The following SH3RF2 variants were observed in gnomAD, a reference collection of about 807,000 sequenced individuals.
SH3RF2 encodes E3 ubiquitin-protein ligase SH3RF2.
A neutral mutation model predicts 59.0 loss-of-function variants in SH3RF2; 43 were observed. The ratio of observed to expected loss-of-function variants is 0.73; its 90% confidence interval spans 0.57 to 0.94. SH3RF2 has a LOEUF of 0.94. SH3RF2 is among the 40% of genes least tolerant of loss of function. The pLI is 0.00. For synonymous variants in SH3RF2, 391 were observed against 391.5 expected (o/e 1.00, Z 0.01); for missense variants, 930 against 940.1 (o/e 0.99, Z 0.14).
downstream of SH3RF2, among the ~76,000 whole-genome samples, chr5:146,065,597 T>G (rs2962527): frequency 6.6e-6 from 1 of 152,206 alleles, no homozygotes; most frequent in Non-Finnish European, 1.5e-5. Context: ...TATTATCTCT[T>G]TGGGATAACC....
chr5:146,035,105 CAAA>C (rs34472730), intron 5 of SH3RF2, among the ~76,000 whole-genome samples: 2 of 135,300 alleles, frequency 1.5e-5, no homozygotes, highest in Admixed American at 7.3e-5. Context: ...GACTCTGTTT[CAAA>C]AAAAAAAAAA....
intron 9 of SH3RF2, among the ~76,000 whole-genome samples, chr5:146,070,977 C>T (rs1763221786): frequency 1.3e-5 from 2 of 152,164 alleles, no homozygotes; most frequent in East Asian, 1.9e-4. Flanking sequence ...GCATGACCGA[C>T]CGACTTAATG....
intron 5 of SH3RF2, among the ~76,000 whole-genome samples, chr5:146,044,624 A>G (rs1238815756): frequency 6.6e-6 from 1 of 151,962 alleles, no homozygotes; most frequent in African/African-American, 2.4e-5. Flanking sequence ...AGTTTCTCCA[A>G]ACTGTTTTTA....
At chr5:146,069,031 A>G (rs1428538654) in intron 9 of SH3RF2, among the ~76,000 whole-genome samples, 1 of 152,010 alleles carries the variant, frequency 6.6e-6, no homozygotes, top group Non-Finnish European at 1.5e-5. Flanking sequence ...TGCATCCCAC[A>G]CTTATCCTTC....
At chr5:146,025,865 A>G (rs768285461) in intron 5 of SH3RF2, among the ~76,000 whole-genome samples, 1 of 152,342 alleles carries the variant, frequency 6.6e-6, no homozygotes, top group Non-Finnish European at 1.5e-5. Context: ...TCTAACCCCA[A>G]TAAGCCTCAG....
intron 2 of SH3RF2, among the ~76,000 whole-genome samples, chr5:145,982,292 G>A (rs960205874): frequency 6.6e-6 from 1 of 152,206 alleles, no homozygotes; most frequent in African/African-American, 2.4e-5. Context: ...TCATCAAGAT[G>A]CAGGTGCTCC....
chr5:146,047,739 G>T, intron 5 of SH3RF2, 33 bp from the exon 6 acceptor site: 2 of 1,605,652 alleles, frequency 1.2e-6, no homozygotes, highest in Non-Finnish European at 1.7e-6. Flanking sequence ...GGCATTCATT[G>T]GTTCTGCTTG....
chr5:145,997,477 A>C (rs1139847), intron 2 of SH3RF2: 2 of 1,562,730 alleles, frequency 1.3e-6, no homozygotes, highest in Non-Finnish European at 8.8e-7. Flanking sequence ...GGGATAATGG[A>C]TACAGTACAA....
At chr5:145,951,719 C>G (rs527902802) in intron 2 of SH3RF2, among the ~76,000 whole-genome samples, 1 of 152,328 alleles carries the variant, frequency 6.6e-6, no homozygotes, top group South Asian at 2.1e-4. Context: ...CATCTGCCCA[C>G]TCTTCCATGG....
At chr5:145,943,188 A>G (rs1226104469) in intron 2 of SH3RF2, among the ~76,000 whole-genome samples, 1 of 151,932 alleles carries the variant, frequency 6.6e-6, no homozygotes, top group Admixed American at 6.6e-5. Flanking sequence ...AGCTGGCACT[A>G]GAGTTCTTTG....
chr5:146,014,065 G>T lies in SH3RF2; in HGVS notation c.1059+4G>T. On this transcript the variant is annotated splice_donor_region_variant and intron_variant, in intron 5 of 9. Coordinates refer to ENST00000359120, the MANE Select transcript of SH3RF2 (RefSeq NM_152550.4). Reference sequence around the variant, plus strand: ...TCCTTCCAGCTGTGTGGGACAGGTAGGGAAGAAACGCCTGGGATGAGGGCA... The same window carrying T: ...TCCTTCCAGCTGTGTGGGACAGGTATGGAAGAAACGCCTGGGATGAGGGCA... 6.2e-7 allele frequency: 1 copy of T among 1,611,936 alleles called. No homozygotes were observed. Among genetic ancestry groups the T allele is most frequent in the Non-Finnish European group, 8.5e-7 (1 of 1,179,534 alleles).
intron 2 of SH3RF2, among the ~76,000 whole-genome samples, chr5:145,998,388 C>G (rs1441608441): frequency 6.6e-6 from 1 of 151,750 alleles, no homozygotes; most frequent in Non-Finnish European, 1.5e-5. Flanking sequence ...TATATTTCTG[C>G]TCTAGCTTTC....
intron 5 of SH3RF2, among the ~76,000 whole-genome samples, chr5:146,045,524 C>G (rs1006761038): frequency 1.7e-4 from 26 of 152,194 alleles, no homozygotes; most frequent in Non-Finnish European, 1.5e-5. Flanking sequence ...CATCTATTTT[C>G]TATCTCTGTA....
chr5:145,967,292 AT>A (rs990300824), intron 2 of SH3RF2, among the ~76,000 whole-genome samples: 5 of 152,142 alleles, frequency 3.3e-5, no homozygotes, highest in Non-Finnish European at 7.3e-5. Flanking sequence ...TAATTGGCCC[AT>A]TTATGAATCC....
intron 2 of SH3RF2, among the ~76,000 whole-genome samples, chr5:145,940,876 A>G (rs1282008524): frequency 6.6e-6 from 1 of 152,200 alleles, no homozygotes; most frequent in Admixed American, 6.5e-5. Context: ...AGACATTTGG[A>G]AGATCATTAT....
intron 5 of SH3RF2, among the ~76,000 whole-genome samples, chr5:146,043,523 G>A (rs1271257053): frequency 6.6e-6 from 1 of 152,140 alleles, no homozygotes; most frequent in East Asian, 1.9e-4. Flanking sequence ...TGAGTATACA[G>A]TTCAAAAACT....
At chr5:146,044,348 A>C (rs1444091445) in intron 5 of SH3RF2, among the ~76,000 whole-genome samples, 2 of 151,978 alleles carry the variant, frequency 1.3e-5, no homozygotes, top group East Asian at 3.9e-4. Context: ...ACAGGGTTTC[A>C]CCATGTTGGT....
At chr5:146,049,336 C>T (rs1406166566) in intron 7 of SH3RF2, 91 bp downstream of exon 7, 15 of 1,434,410 alleles carry the variant, frequency 1.0e-5, no homozygotes, top group Non-Finnish European at 1.3e-5. Context: ...ACCCAGTGCT[C>T]TTTCAGAAAA....
At chr5:145,966,343 A>G (rs1049959015) in intron 2 of SH3RF2, among the ~76,000 whole-genome samples, 3 of 152,216 alleles carry the variant, frequency 2.0e-5, no homozygotes, top group South Asian at 2.1e-4. Context: ...TGGAGACTCA[A>G]TTTCTTCACT....
Sources: gnomAD v4.1 joint callset for allele counts (sites outside exome capture counted in the v4.1 genomes callset) on GRCh38, gnomAD v4.1.1 for gene constraint, MANE v1.5 for transcripts, NCBI Gene and HGNC (gene_info 2026-07-23, HGNC 2026-07-21) for gene names.